ISM2: variants seen among roughly 807,000 people sequenced by gnomAD.
ISM2 encodes the protein isthmin-2.
A neutral mutation model predicts 58.0 loss-of-function variants in ISM2; 50 were observed. The observed-to-expected ratio is 0.86, with a 90% CI of 0.69 to 1.09. The LOEUF (loss-of-function observed/expected upper bound fraction) is 1.09. Among genes scored for constraint, ISM2 ranks in the 50% least tolerant of loss-of-function variants. The pLI, the probability that ISM2 is intolerant of heterozygous loss-of-function variation, is 0.00. For synonymous variants in ISM2, 303 were observed against 312.4 expected (o/e 0.97, Z 0.32); for missense variants, 723 against 745.0 (o/e 0.97, Z 0.34).
intron 1 of ISM2, chr14:77,498,334 G>A (rs1422239564): frequency 2.1e-6 from 3 of 1,403,050 alleles, no homozygotes; most frequent in Non-Finnish European, 2.8e-6. Flanking sequence ...GGGGGCTGCA[G>A]GCGAGGTCCG....
chr14:77,490,074 A>G (rs950809951), intron 1 of ISM2, among the ~76,000 whole-genome samples: 7 of 152,216 alleles, frequency 4.6e-5, no homozygotes, highest in African/African-American at 9.6e-5. Flanking sequence ...CGTGTTAGCC[A>G]GGATGGTCTC....
At chr14:77,497,756 AG>A (rs2079254310) in intron 1 of ISM2, among the ~76,000 whole-genome samples, 1 of 63,698 alleles carries the variant, frequency 1.6e-5, no homozygotes, top group African/African-American at 7.7e-5. Flanking sequence ...GGAGGGAGGG[AG>A]GGAGGGAGGG....
At position 77,475,793 on chromosome 14, in the gene ISM2, G is replaced by A. The variant is rs373949887; in HGVS notation, c.1518C>T (p.Gly506=). Residue 506 remains glycine (G), a synonymous_variant, in exon 7 of 7, where the codon GGC becomes GGT. Transcript: ENST00000342219. This position sits in a 1 kb window ranked among gnomAD's most constrained non-coding sequence, Gnocchi z 4.1. ...EDSRLLTRGK[G]AGMPNLISTD... ...TGCTGATGAGGTTGGGCATGCCGGC[G>A]CCCTTGCCACGGGTCAGCAGCCGGC... The A allele has an allele frequency of 1.4e-5, 23 of 1,613,290 alleles. No individual in the cohort carries two copies. Among genetic ancestry groups the A allele is most frequent in the African/African-American group, 2.7e-5 (2 of 74,922 alleles).
intron 1 of ISM2, among the ~76,000 whole-genome samples, chr14:77,496,664 G>A (rs1296258489): frequency 1.3e-5 from 2 of 151,896 alleles, no homozygotes; most frequent in East Asian, 3.9e-4. Context: ...GGGCGTGGTG[G>A]CGTGAGCCTG....
chr14:77,491,892 C>T (rs2079207685), intron 1 of ISM2, among the ~76,000 whole-genome samples: 1 of 151,882 alleles, frequency 6.6e-6, no homozygotes, highest in African/African-American at 2.4e-5. Context: ...GACGGGGTTT[C>T]ACCATGTTGG....
intron 1 of ISM2, among the ~76,000 whole-genome samples, chr14:77,492,569 G>A (rs1460455199): frequency 6.8e-6 from 1 of 147,800 alleles, no homozygotes; most frequent in East Asian, 2.0e-4. Context: ...GCCCAGGATG[G>A]AGTACAGTAG....
chr14:77,480,466 A>G (rs1422342307), intron 4 of ISM2, among the ~76,000 whole-genome samples: 1 of 151,678 alleles, frequency 6.6e-6, no homozygotes, highest in Non-Finnish European at 1.5e-5. Flanking sequence ...CTGGTTCCAC[A>G]CTTCACAGGC....
chr14:77,490,333 C>G (rs898124972), intron 1 of ISM2, among the ~76,000 whole-genome samples: 8 of 151,994 alleles, frequency 5.3e-5, no homozygotes, highest in Non-Finnish European at 7.4e-5. Context: ...CTGGGCCCCA[C>G]AAAAAATGTG....
chr14:77,484,333 G>C lies in ISM2; in HGVS notation c.617C>G (p.Pro206Arg). The C allele has an allele frequency of 6.2e-7, 1 of 1,611,362 alleles. No homozygotes were observed. Among genetic ancestry groups the C allele is most frequent in the Non-Finnish European group, 8.5e-7 (1 of 1,178,434 alleles). ...TTCTGTAGCTCTCACCTGGTTATCA[G>C]GGTTAGGGGTACTCAAGGTTGCGTG... ...LVHATLSTPN[P>R]DNQVTIKVVE... The change falls in exon 3 of 7, where the codon CCT (proline) becomes CGT (arginine). Residue 206 changes from proline (P) to arginine (R), a missense_variant. Pro to Arg is a moderately radical substitution (Grantham distance 103). Coordinates refer to ENST00000342219, the MANE Select transcript of ISM2 (RefSeq NM_199296.3).
intron 1 of ISM2, 27 bp downstream of exon 1, chr14:77,498,626 C>G: frequency 7.0e-7 from 1 of 1,427,918 alleles, no homozygotes; most frequent in East Asian, 3.0e-5. Flanking sequence ...ACAGCGCGCT[C>G]CGCAGCCCGG....
intron 3 of ISM2, 66 bp from the exon 4 acceptor site, chr14:77,482,733 G>A: frequency 2.0e-6 from 2 of 999,150 alleles, no homozygotes; most frequent in East Asian, 2.4e-5. Context: ...AGAGACGAGG[G>A]ATGATGGGGT....
chr14:77,478,822 G>T, intron 4 of ISM2, 107 bp from the exon 5 acceptor site: 1 of 1,176,782 alleles, frequency 8.5e-7, no homozygotes. Flanking sequence ...CCCATGCCAG[G>T]GCTTCCAGCC....
chr14:77,481,810 A>G (rs1040306001), intron 4 of ISM2, among the ~76,000 whole-genome samples: 1 of 151,624 alleles, frequency 6.6e-6, no homozygotes, highest in African/African-American at 2.4e-5. Flanking sequence ...AAAAAAAGAA[A>G]AAAAAAAGGC....
At chr14:77,490,243 C>T (rs916577268) in intron 1 of ISM2, among the ~76,000 whole-genome samples, 5 of 152,108 alleles carry the variant, frequency 3.3e-5, no homozygotes, top group Non-Finnish European at 5.9e-5. Flanking sequence ...GTGATCCGCC[C>T]GCCTCGGCCT....
At chr14:77,478,818 C>G in intron 4 of ISM2, 103 bp from the exon 5 acceptor site, 1 of 1,183,294 alleles carries the variant, frequency 8.5e-7, no homozygotes, top group Non-Finnish European at 1.2e-6. Flanking sequence ...GCAGCCCATG[C>G]CAGGGCTTCC....
intron 1 of ISM2, among the ~76,000 whole-genome samples, chr14:77,488,907 C>T (rs2079184106): frequency 6.6e-6 from 1 of 152,172 alleles, no homozygotes; most frequent in Admixed American, 6.5e-5. Flanking sequence ...TCTCACAAGA[C>T]CACCTCTCTC....
intron 6 of ISM2, 106 bp from the exon 7 acceptor site, chr14:77,476,218 C>T: frequency 7.7e-7 from 1 of 1,293,676 alleles, no homozygotes; most frequent in Non-Finnish European, 1.0e-6. Flanking sequence ...GGCCCAGGCC[C>T]CAGCTGGTGC....
In ISM2 at chr14:77,475,937, G is replaced by A. The variant is rs746382962; in HGVS notation, c.1374C>T (p.Ala458=). The stretch of plus-strand genomic sequence containing the variant: ...TGTCCAGGCGCTCGCGAGGGCCACT[G>A]GCATCCCTCCACCGGAAGCTGCGGC... ...HQGRSFRWRD[A]SGPRERLDIY... The change falls in exon 7 of 7, where the codon GCC becomes GCT. Residue 458 remains alanine (A), a synonymous_variant. Coordinates refer to ENST00000342219, the MANE Select transcript of ISM2 (RefSeq NM_199296.3). The surrounding 1 kb of genome is among the most constrained non-coding windows in gnomAD (Gnocchi z 4.1). 49 of 1,599,448 alleles carry A rather than the reference G, an allele frequency of 3.1e-5. No homozygotes were observed. The highest frequency in any genetic ancestry group is 4.1e-5 in the Non-Finnish European group (48 of 1,179,730).
chr14:77,487,241 T>C (rs2079173407), intron 1 of ISM2, among the ~76,000 whole-genome samples: 1 of 109,324 alleles, frequency 9.1e-6, no homozygotes, highest in African/African-American at 4.0e-5. Context: ...TGAGAATCCA[T>C]CTTAAATAAA....
Sources: allele counts gnomAD v4.1 joint callset (sites outside exome capture counted in the v4.1 genomes callset), GRCh38; gene constraint gnomAD v4.1.1; non-coding constraint Gnocchi (gnomAD v3.1); transcripts MANE v1.5; gene names NCBI Gene and HGNC (gene_info 2026-07-23, HGNC 2026-07-21).